Variants in N4BP2L2 observed in about 807,000 individuals in gnomAD.
N4BP2L2 encodes NEDD4-binding protein 2-like 2.
N4BP2L2 carries 50 observed loss-of-function variants against 56.2 expected under a neutral mutation model. The observed-to-expected ratio is 0.89, with a 90% CI of 0.71 to 1.13. The LOEUF is 1.13. Ranked by LOEUF, N4BP2L2 falls within the 50% of genes most tolerant of loss-of-function variation. N4BP2L2 has a pLI of 0.00. For missense variants in N4BP2L2, 689 were observed against 693.8 expected (o/e 0.99, Z 0.08); for synonymous variants, 203 against 223.6 (o/e 0.91, Z 0.82).
At chr13:32,532,974 C>G (rs1446848317) in intron 2 of N4BP2L2, among the ~76,000 whole-genome samples, 3 of 152,018 alleles carry the variant, frequency 2.0e-5, no homozygotes, top group Non-Finnish European at 1.5e-5. Context: ...TGCTCCCCAC[C>G]TCAGCCTCCC....
At chr13:32,478,542 G>C (rs1017827722) in intron 6 of N4BP2L2, 2 of 155,378 alleles carry the variant, frequency 1.3e-5, no homozygotes, top group Admixed American at 6.2e-5. Flanking sequence ...AATTCTTAAT[G>C]TCCTGGAGTT....
chr13:32,484,483 GT>G (rs746205796), intron 6 of N4BP2L2, among the ~76,000 whole-genome samples: 23 of 151,012 alleles, frequency 1.5e-4, no homozygotes, highest in East Asian at 3.9e-4. Flanking sequence ...TCTAGGGTAG[GT>G]TTTTTTTTCT....
At chr13:32,508,339 G>GT (rs1045480311), downstream of N4BP2L2, 2 of 152,170 alleles carry the variant, frequency 1.3e-5, no homozygotes, top group Non-Finnish European at 2.9e-5. Flanking sequence ...ACTTGATCAT[G>GT]TTTAACTGTT....
exon 2 of N4BP2L2, chr13:32,536,286 A>G: frequency 6.2e-7 from 1 of 1,613,572 alleles, no homozygotes. Context: ...TGTCCATTAC[A>G]GGGATATTTG....
chr13:32,471,573 G>A (rs1482210256), intron 6 of N4BP2L2, among the ~76,000 whole-genome samples: 2 of 152,362 alleles, frequency 1.3e-5, no homozygotes, highest in Admixed American at 6.5e-5. Flanking sequence ...GGGAGCCAAG[G>A]CTCGGCTCGT....
chr13:32,515,061 C>G (rs1191992073), exon 6 of N4BP2L2: 1 of 152,088 alleles, frequency 6.6e-6, no homozygotes, highest in Non-Finnish European at 1.5e-5. Context: ...TCGCTTGAAC[C>G]TGGGAGGTGG....
chr13:32,511,044 T>C (rs374835686), exon 6 of N4BP2L2: 1 of 152,166 alleles, frequency 6.6e-6, no homozygotes, highest in African/African-American at 2.4e-5. Context: ...ATGTCTAACA[T>C]AGATTTGAAT....
chr13:32,482,847 A>G (rs2085064577), intron 6 of N4BP2L2, among the ~76,000 whole-genome samples: 1 of 152,190 alleles, frequency 6.6e-6, no homozygotes, highest in Non-Finnish European at 1.5e-5. Flanking sequence ...TTTGGCTACA[A>G]AATTTAAATT....
intron 6 of N4BP2L2, among the ~76,000 whole-genome samples, chr13:32,479,140 A>C (rs1365144388): frequency 1.3e-5 from 2 of 152,106 alleles, no homozygotes; most frequent in African/African-American, 4.8e-5. Context: ...TGTCTCAAAA[A>C]AAAAATAAAA....
intron 6 of N4BP2L2, among the ~76,000 whole-genome samples, chr13:32,489,095 T>C (rs1415483128): frequency 2.6e-5 from 4 of 152,050 alleles, no homozygotes; most frequent in African/African-American, 9.7e-5. Flanking sequence ...CAAACAAACA[T>C]ATTCTGTAAC....
rs527277262 is a variant in N4BP2L2, at chr13:32,453,185, G to A, written c.366-9059C>T. 2.0e-5 allele frequency among the ~76,000 whole-genome samples: 3 copies of A among 152,330 alleles called. No individual in the cohort carries two copies. In the East Asian group the frequency reaches 5.8e-4, roughly 29 times the overall value. On this transcript the variant is annotated intron_variant, in intron 6 of 9. Coordinates refer to the N4BP2L2 transcript ENST00000357505. ...GAGGCAGAAGTGCTTGAGCCAAAGAGGCGGAGGTTGCAGTAAGCCCAGATC... is the reference window on the plus strand; with the variant it reads ...GAGGCAGAAGTGCTTGAGCCAAAGAAGCGGAGGTTGCAGTAAGCCCAGATC...
At chr13:32,499,331 T>C (rs914842555) in intron 6 of N4BP2L2, among the ~76,000 whole-genome samples, 2 of 152,210 alleles carry the variant, frequency 1.3e-5, no homozygotes, top group Non-Finnish European at 2.9e-5. Context: ...CCAGAAAATA[T>C]CATTTCATCC....
chr13:32,469,097 G>A (rs1303955542), intron 6 of N4BP2L2, among the ~76,000 whole-genome samples: 1 of 152,242 alleles, frequency 6.6e-6, no homozygotes, highest in Non-Finnish European at 1.5e-5. Flanking sequence ...TCCCCCGAGT[G>A]TTCTTTTCAG....
At chr13:32,536,244 T>G (rs201569608) in exon 2 of N4BP2L2, 62 of 1,613,690 alleles carry the variant, frequency 3.8e-5, no homozygotes, top group Non-Finnish European at 4.4e-5. Flanking sequence ...CTGAAAGAAG[T>G]AAATGAAGTG....
At chr13:32,494,028 T>C (rs2087839477) in intron 6 of N4BP2L2, among the ~76,000 whole-genome samples, 1 of 152,152 alleles carries the variant, frequency 6.6e-6, no homozygotes, top group Non-Finnish European at 1.5e-5. Flanking sequence ...ATCCCAGCAC[T>C]TTGGGAGGCT....
chr13:32,446,547 G>T, intron 6 of N4BP2L2: 1 of 1,285,686 alleles, frequency 7.8e-7, no homozygotes. Context: ...CGATTAAATG[G>T]TAAAATACTA....
chr13:32,507,716 G>C (rs1488788824), downstream of N4BP2L2: 1 of 152,178 alleles, frequency 6.6e-6, no homozygotes, highest in Non-Finnish European at 1.5e-5. Context: ...ATGGACTGTA[G>C]TAAATGCAGA....
intron 5 of N4BP2L2, among the ~76,000 whole-genome samples, chr13:32,520,474 C>T (rs867118355): frequency 1.1e-4 from 17 of 151,454 alleles, no homozygotes; most frequent in Middle Eastern, 3.5e-3. Context: ...CTGGCTAACA[C>T]GGTGAAACCC....
At chr13:32,518,764 T>C (rs1297977400) in intron 5 of N4BP2L2, among the ~76,000 whole-genome samples, 2 of 152,328 alleles carry the variant, frequency 1.3e-5, no homozygotes, top group East Asian at 3.9e-4. Context: ...ATGCTGGCAA[T>C]GCTCCCATGA....
Sources: gnomAD v4.1 joint callset for allele counts (sites outside exome capture counted in the v4.1 genomes callset) on GRCh38, gnomAD v4.1.1 for gene constraint, MANE v1.5 for transcripts, NCBI Gene and HGNC (gene_info 2026-07-23, HGNC 2026-07-21) for gene names.